The following SAMD11 variants were observed in gnomAD, a reference collection of about 807,000 sequenced individuals.
SAMD11 encodes the protein sterile alpha motif domain-containing protein 11.
In SAMD11, 77 loss-of-function variants were observed where a neutral mutation model predicts 64.4. The ratio of observed to expected loss-of-function variants is 1.20; its 90% CI spans 0.99 to 1.44. The LOEUF (loss-of-function observed/expected upper bound fraction) is 1.44. Ranked by LOEUF, SAMD11 falls within the 40% of genes most tolerant of loss-of-function variation. SAMD11 has a pLI of 0.00. For missense variants in SAMD11, 1,402 were observed against 943.3 expected, an observed-to-expected ratio of 1.49 and a Z score of -6.37; for synonymous variants, 658 against 421.9, an observed-to-expected ratio of 1.56 and a Z score of -6.86.
At position 944,200 on chromosome 1, in the gene SAMD11, C is replaced by G; in HGVS notation, c.*47C>G. 2.7e-6 allele frequency: 4 copies of G among 1,498,796 alleles called. No homozygotes were observed. Among genetic ancestry groups the G allele is most frequent in the Non-Finnish European group, 3.6e-6 (4 of 1,124,742 alleles). 92.8% of individuals were successfully genotyped at this position (1,498,796 alleles called of 1,614,324 possible). ...GGCCACACAAATCTCCAGGAGCCAC[C>G]ACTCAACACAATGGCCCTGCCTCCC... On this transcript the variant is annotated 3_prime_UTR_variant, in exon 14 of 14. Coordinates refer to ENST00000616016, the MANE Select transcript of SAMD11 (RefSeq NM_001385641.1).
chr1:935,801 C>T lies in SAMD11; in HGVS notation c.872C>T (p.Ser291Phe). The T allele has an allele frequency of 6.2e-7, 1 of 1,613,462 alleles. No individual in the cohort carries two copies. The highest frequency in any genetic ancestry group is 8.5e-7 in the Non-Finnish European group (1 of 1,179,872). ...SQDGNLPTLI[S>F]SVHRSRHLVM... The stretch of plus-strand genomic sequence containing the variant: ...GACGGCAACCTTCCCACCCTCATAT[C>T]CAGCGTCCACCGCAGCCGCCACCTC... The change falls in exon 5 of 14, where the codon TCC (serine) becomes TTC (phenylalanine). Residue 291 changes from serine (S) to phenylalanine (F), a missense_variant. Coordinates refer to ENST00000616016, the MANE Select transcript of SAMD11 (RefSeq NM_001385641.1).
At position 941,113 on chromosome 1, in the gene SAMD11, G is replaced by C. The variant is rs748739985; in HGVS notation, c.1196-31G>C. On this transcript the variant is annotated intron_variant, in intron 7 of 13. Coordinates refer to ENST00000616016, the MANE Select transcript of SAMD11 (RefSeq NM_001385641.1). ...CTGGGGAGGATGAGGGCGCATAGCCGGGGGGATCACTGCTGTTGTCCCCCA... is the reference window on the plus strand; with the variant it reads ...CTGGGGAGGATGAGGGCGCATAGCCCGGGGGATCACTGCTGTTGTCCCCCA... 6 of 1,565,884 alleles carry C rather than the reference G, an allele frequency of 3.8e-6. No individual in the cohort carries two copies. In the African/African-American group the frequency reaches 6.8e-5, roughly 18 times the overall value.
At chr1:931,011 C>A (rs970354708) in intron 3 of SAMD11, 28 bp from the exon 4 acceptor site, 1 of 1,610,660 alleles carries the variant, frequency 6.2e-7, no homozygotes, top group South Asian at 1.1e-5. Context: ...TCCAGAGCAA[C>A]ATGGACCTTC....
At chr1:942,304 C>T (rs2100356952) in intron 9 of SAMD11, 53 bp downstream of exon 9, 1 of 1,035,468 alleles carries the variant, frequency 9.7e-7, no homozygotes, top group South Asian at 2.1e-5. Flanking sequence ...CTCGCGGACC[C>T]GGCCCTGCCC....
intron 5 of SAMD11, among the ~76,000 whole-genome samples, chr1:936,172 C>T (rs1641426739): frequency 2.0e-5 from 3 of 152,228 alleles, no homozygotes; most frequent in Admixed American, 6.5e-5. Context: ...TAGGCGTGGC[C>T]TCAGAGGTTC....
At position 942,129 on chromosome 1, in the gene SAMD11, T is replaced by C; in HGVS notation, c.1359-7T>C. On this transcript the variant is annotated splice_region_variant and splice_polypyrimidine_tract_variant and intron_variant, in intron 8 of 13. Transcript: ENST00000616016. ...GGGGACGCCGCTCATTGCGCTGCCG[T>C]CCACAGGGAGCTGCCTCAGCCGCCC... 2.5e-6 allele frequency: 3 copies of C among 1,210,398 alleles called. No individual in the cohort carries two copies. Among genetic ancestry groups the C allele is most frequent in the Non-Finnish European group, 3.4e-6 (3 of 889,290 alleles). 75.0% of individuals were successfully genotyped at this position (1,210,398 alleles called of 1,614,324 possible). A position where few individuals can be genotyped will look rare whatever the true frequency, so the allele number is the denominator to read the frequency against.
intron 1 of SAMD11, among the ~76,000 whole-genome samples, chr1:925,476 C>T (rs936652327): frequency 2.6e-4 from 39 of 151,972 alleles, no homozygotes; most frequent in Admixed American, 2.6e-4. Context: ...ACAGGGGGTG[C>T]GGTGAGCGCC....
chr1:928,027 C>T (rs1433651432), intron 2 of SAMD11, among the ~76,000 whole-genome samples: 1 of 152,250 alleles, frequency 6.6e-6, no homozygotes, highest in Non-Finnish European at 1.5e-5. Flanking sequence ...GTCTTCTGGT[C>T]CTTGCTTCCC....
In SAMD11 at chr1:931,054, G is replaced by A; in HGVS notation, c.807G>A (p.Trp269Ter). The change falls in exon 4 of 14, where the codon TGG becomes TGA. Residue 269 changes from tryptophan (W) to a stop codon, truncating the protein, a stop_gained. Coordinates refer to ENST00000616016, the MANE Select transcript of SAMD11 (RefSeq NM_001385641.1). LOFTEE classifies it high-confidence loss of function. The part of the protein sequence containing the change: ...RIMKRRVHTH[W>*]DVNISFREAS... ...CTTCCTGCAGAGTCCACACCCACTGGGACGTGAACATCTCTTTCCGAGAGG... is the reference window on the plus strand; with the variant it reads ...CTTCCTGCAGAGTCCACACCCACTGAGACGTGAACATCTCTTTCCGAGAGG... 1 of 1,612,918 alleles carries A rather than the reference G, an allele frequency of 6.2e-7. No individual in the cohort carries two copies. The highest frequency in any genetic ancestry group is 8.5e-7 in the Non-Finnish European group (1 of 1,179,660).
chr1:937,905 A>G (rs1158662086), intron 5 of SAMD11, among the ~76,000 whole-genome samples: 1 of 152,232 alleles, frequency 6.6e-6, no homozygotes, highest in East Asian at 1.9e-4. Context: ...ATGACAGATT[A>G]AGGGAATAAG....
intron 4 of SAMD11, among the ~76,000 whole-genome samples, chr1:935,070 C>A (rs1641358819): frequency 6.6e-6 from 1 of 152,056 alleles, no homozygotes; most frequent in Non-Finnish European, 1.5e-5. Context: ...GGCCGTGCTC[C>A]ACACAGTTCG....
chr1:942,222 G>A lies in SAMD11; in HGVS notation c.1445G>A (p.Gly482Glu). 1.5e-6 allele frequency: 2 copies of A among 1,354,562 alleles called. No homozygotes were observed. Among genetic ancestry groups the A allele is most frequent in the Non-Finnish European group, 1.9e-6 (2 of 1,046,546 alleles). 83.9% of individuals were successfully genotyped at this position (1,354,562 alleles called of 1,614,324 possible). Residue 482 changes from glycine (G) to glutamate (E), a missense_variant, in exon 9 of 14, where the codon GGG becomes GAG. Gly to Glu is a moderately conservative substitution (Grantham distance 98, BLOSUM62 -2). Coordinates refer to ENST00000616016, the MANE Select transcript of SAMD11 (RefSeq NM_001385641.1). ...CCCCATCTCAGGCCCCCCTTCCTGG[G>A]GGTGCCCTCGGCTCTGTGCCAGACC... ...LGPHLRPPFL[G>E]VPSALCQTPG...
At chr1:932,969 G>A (rs1641238706) in intron 4 of SAMD11, among the ~76,000 whole-genome samples, 1 of 152,182 alleles carries the variant, frequency 6.6e-6, no homozygotes, top group Non-Finnish European at 1.5e-5. Flanking sequence ...GTGGCGGGAG[G>A]CCCATGCGTG....
At position 939,656 on chromosome 1, in the gene SAMD11, C is replaced by A. The variant is rs553591085; in HGVS notation, c.1195+244C>A. ...GGTCCCCAGGGTCATGACTAGCTCA[C>A]ATTTTATATAGAGAGAAATGGAGTC... On this transcript the variant is annotated intron_variant, in intron 7 of 13. Transcript: ENST00000616016. 9.2e-5 allele frequency among the ~76,000 whole-genome samples: 14 copies of A among 152,300 alleles called. No homozygotes were observed. The South Asian group carries it at 1.0e-3, about 11-fold the overall frequency.
chr1:942,319 C>T, intron 9 of SAMD11, 68 bp downstream of exon 9: 1 of 1,069,232 alleles, frequency 9.4e-7, no homozygotes. Context: ...CTGCCCCTGT[C>T]GGAGCCGAGA....
rs1163360535 is a variant in SAMD11, at chr1:943,066, C to T, written c.2053+8C>T. 2 of 1,537,134 alleles carry T rather than the reference C, an allele frequency of 1.3e-6. No individual in the cohort carries two copies. Among genetic ancestry groups the T allele is most frequent in the South Asian group, 1.3e-5 (1 of 78,760 alleles). ...GCCCCTACTTCCACACAGGTGGGCA[C>T]CCCCACACTCTAGATCCTTCCAGAG... On this transcript the variant is annotated splice_region_variant and intron_variant, in intron 11 of 13. Coordinates refer to ENST00000616016, the MANE Select transcript of SAMD11 (RefSeq NM_001385641.1).
intron 7 of SAMD11, 24 bp downstream of exon 7, chr1:939,436 C>A: frequency 6.9e-7 from 1 of 1,440,370 alleles, no homozygotes. Flanking sequence ...CTGGCATGAT[C>A]CCCCTCATCA....
At chr1:933,465 G>T (rs1641263286) in intron 4 of SAMD11, among the ~76,000 whole-genome samples, 1 of 152,170 alleles carries the variant, frequency 6.6e-6, no homozygotes, top group Non-Finnish European at 1.5e-5. Flanking sequence ...CTGGGCGCCA[G>T]GCTCGGGGCT....
At position 930,137 on chromosome 1, in the gene SAMD11, C is replaced by G; in HGVS notation, c.610-18C>G. 6.5e-7 allele frequency: 1 copy of G among 1,549,440 alleles called. No homozygotes were observed. Among genetic ancestry groups the G allele is most frequent in the Non-Finnish European group, 8.7e-7 (1 of 1,146,086 alleles). Reference sequence around the variant, plus strand: ...TCCTCTCCTCCTGCCCCACCTTCCTCTCCTCCTGCCCCACCAGAACCGGGG... The same window carrying G: ...TCCTCTCCTCCTGCCCCACCTTCCTGTCCTCCTGCCCCACCAGAACCGGGG... On this transcript the variant is annotated intron_variant, in intron 2 of 13. Transcript: ENST00000616016.
Sources: allele counts gnomAD v4.1 joint callset (sites outside exome capture counted in the v4.1 genomes callset), GRCh38; gene constraint gnomAD v4.1.1; transcripts MANE v1.5; gene names NCBI Gene and HGNC (gene_info 2026-07-23, HGNC 2026-07-21).